Variants in NFKBIL1 observed in about 807,000 individuals in gnomAD.
NFKBIL1 encodes the protein NFKB inhibitor like 1.
A neutral mutation model predicts 45.4 loss-of-function variants in NFKBIL1; 30 were observed. The observed-to-expected ratio is 0.66, with a 90% CI of 0.49 to 0.90. The LOEUF (loss-of-function observed/expected upper bound fraction) is 0.90, where lower values mean the gene tolerates loss of function less well. NFKBIL1 is among the 40% of genes least tolerant of loss of function. The probability of loss-of-function intolerance (pLI) is 0.00; values close to 1 mark genes in which losing one functional copy is unlikely to be tolerated. For missense variants in NFKBIL1, 434 were observed against 513.4 expected (o/e 0.85, Z 1.49); for synonymous variants, 179 against 197.3 (o/e 0.91, Z 0.78).
Position 31,547,702 on chromosome 6 carries a change from A to G in NFKBIL1, c.8A>G (p.Asn3Ser), listed in dbSNP as rs1769149744. Reference protein sequence around the residue: MSNPSPQVPEEEA... With the variant: MSSPSPQVPEEEA... ...GGGGCGGGGGCAGGTCTGATGAGTA[A>G]CCCCTCCCCCCAGGTTCCAGAGGAA... The change falls in exon 1 of 4, where the codon AAC (asparagine) becomes AGC (serine). Residue 3 changes from asparagine to serine, a missense_variant. Coordinates refer to ENST00000376148, the MANE Select transcript of NFKBIL1 (RefSeq NM_005007.4). 2 of 1,610,494 alleles carry G rather than the reference A, an allele frequency of 1.2e-6. No homozygotes were observed. The highest frequency in any genetic ancestry group is 1.7e-6 in the Non-Finnish European group (2 of 1,178,798).
At position 31,557,189 on chromosome 6, in the gene NFKBIL1, G is replaced by C. The variant is rs539336387; in HGVS notation, c.335-439G>C. Among the ~76,000 whole-genome samples the C allele has an allele frequency of 1.3e-5, 2 of 150,016 alleles. No homozygotes were observed. The highest frequency in any genetic ancestry group is 4.9e-5 in the African/African-American group (2 of 40,650). ...GTGGCACGATCTCGGCTTACTACAA[G>C]CTCCACCTCCCGGGTTCACATCATT... On this transcript the variant is annotated intron_variant, in intron 2 of 3. Coordinates refer to ENST00000376148, the MANE Select transcript of NFKBIL1 (RefSeq NM_005007.4). The surrounding 1 kb of genome is among the most constrained non-coding windows in gnomAD (Gnocchi z 5.4).
rs746145135 is a variant in NFKBIL1, at chr6:31,548,432, C to T, written c.327C>T (p.Gly109=). 1.3e-6 allele frequency: 2 copies of T among 1,505,022 alleles called. No homozygotes were observed. The highest frequency in any genetic ancestry group is 1.8e-6 in the Non-Finnish European group (2 of 1,133,216). The allele number at this position is 1,505,022 out of a possible 1,614,324, so 93.2% of individuals were successfully genotyped here. ...DTALHAAARQ[G]PDAYTDFFLP... is the part of the protein sequence containing the mutation. The stretch of plus-strand genomic sequence containing the variant: ...CACTGCATGCTGCTGCCCGCCAGGG[C>T]CCAGATGGTGAGTCTGCTCAGTGGG... Residue 109 remains glycine (G), a synonymous_variant, in exon 2 of 4, where the codon GGC becomes GGT. Coordinates refer to ENST00000376148, the MANE Select transcript of NFKBIL1 (RefSeq NM_005007.4).
In NFKBIL1 at chr6:31,557,695, T is replaced by C; in HGVS notation, c.402T>C (p.Asp134=). 2 of 1,604,532 alleles carry C rather than the reference T, an allele frequency of 1.2e-6. No homozygotes were observed. The highest frequency in any genetic ancestry group is 1.7e-6 in the Non-Finnish European group (2 of 1,174,240). The change falls in exon 3 of 4, where the codon GAT becomes GAC. Residue 134 remains aspartate (D), a synonymous_variant. Transcript: ENST00000376148. This position sits in a 1 kb window ranked among gnomAD's most constrained non-coding sequence, Gnocchi z 5.4. ...CCGCCATGGGAATAAAGAATAAGGA[T>C]GGGGAGACCCCTGGCCAAATTTTGG... is the stretch of plus-strand genomic sequence containing the variant. The part of the protein sequence containing the change: ...CPSAMGIKNK[D]GETPGQILGW...
At chr6:31,554,849 G>A (rs1769628294) in intron 2 of NFKBIL1, among the ~76,000 whole-genome samples, 2 of 152,204 alleles carry the variant, frequency 1.3e-5, no homozygotes, top group African/African-American at 4.8e-5. Context: ...TTGGGGTAAG[G>A]AGATTTGTTT....
At chr6:31,547,495 A>C (rs1233969258), upstream of NFKBIL1, 1 of 434,418 alleles carries the variant, frequency 2.3e-6, no homozygotes, top group African/African-American at 2.0e-5. Flanking sequence ...AGATCTGGCC[A>C]AGAACTACCC....
intron 2 of NFKBIL1, among the ~76,000 whole-genome samples, chr6:31,550,826 A>T (rs1314406472): frequency 6.6e-6 from 1 of 152,096 alleles, no homozygotes; most frequent in Non-Finnish European, 1.5e-5. Flanking sequence ...AGTAGCTGGG[A>T]TTACAGGCAT....
In NFKBIL1 at chr6:31,558,714, T is replaced by C. The variant is rs1769931054; in HGVS notation, c.*103T>C. 22 of 1,055,092 alleles carry C rather than the reference T, an allele frequency of 2.1e-5. No homozygotes were observed. The highest frequency in any genetic ancestry group is 3.0e-5 in the Non-Finnish European group (22 of 745,022). The allele number at this position is 1,055,092 out of a possible 1,614,324, so 65.4% of individuals were successfully genotyped here. The stretch of plus-strand genomic sequence containing the variant: ...ACCACAAGGAAGAGCCAGGTGCTGC[T>C]CAGCAGAGGATATGGGTGGGAGCGA... On this transcript the variant is annotated 3_prime_UTR_variant, in exon 4 of 4. Transcript: ENST00000376148. This position sits in a 1 kb window ranked among gnomAD's most constrained non-coding sequence, Gnocchi z 7.2.
chr6:31,547,506 G>C (rs555489747), upstream of NFKBIL1: 381 of 445,828 alleles, frequency 8.5e-4, 1 homozygote, highest in Middle Eastern at 4.1e-3. Flanking sequence ...AGAACTACCC[G>C]GTCGGGGCGG....
At chr6:31,550,410 CAAAAAACCCCCTATTTAAA>C (rs1730731334) in intron 2 of NFKBIL1, among the ~76,000 whole-genome samples, 1 of 146,128 alleles carries the variant, frequency 6.8e-6, no homozygotes, top group African/African-American at 2.5e-5. Context: ...CCCAAATGGT[CAAAAAACCCCCTATTTAAA>C]AATTTCCTTT....
At chr6:31,552,519 C>T (rs1769485018) in intron 2 of NFKBIL1, among the ~76,000 whole-genome samples, 1 of 150,356 alleles carries the variant, frequency 6.7e-6, no homozygotes, top group Non-Finnish European at 1.5e-5. Flanking sequence ...GATCTCTTGA[C>T]CTTGTGATCT....
chr6:31,550,693 T>G (rs1372332477), intron 2 of NFKBIL1, among the ~76,000 whole-genome samples: 1 of 152,152 alleles, frequency 6.6e-6, no homozygotes, highest in African/African-American at 2.4e-5. Context: ...TTTTTTGTTT[T>G]GTTTTGTTTT....
At chr6:31,555,244 T>C (rs71556913) in intron 2 of NFKBIL1, among the ~76,000 whole-genome samples, 6,354 of 148,084 alleles carry the variant, frequency 0.043, 241 homozygotes, top group South Asian at 0.16. Flanking sequence ...TCTTTTTTTT[T>C]TTTTTTTTTT....
In NFKBIL1 at chr6:31,558,003, ATCCC is replaced by A; in HGVS notation, c.557-18_557-15del. On this transcript the variant is annotated splice_polypyrimidine_tract_variant and intron_variant, in intron 3 of 3. Transcript: ENST00000376148. The surrounding 1 kb of genome is among the most constrained non-coding windows in gnomAD (Gnocchi z 7.2). ...TCACAGCCTCTCTCCAACTACCCCC[ATCCC>A]ACCCTCCCAAACAGGTGATGCCTCC... is the stretch of plus-strand genomic sequence containing the variant. 1.1e-4 allele frequency: 58 copies of A among 551,360 alleles called. No individual in the cohort carries two copies. The highest frequency in any genetic ancestry group is 3.8e-4 in the Middle Eastern group (1 of 2,638). The allele number at this position is 551,360 out of a possible 1,614,324, so 34.2% of individuals were successfully genotyped here.
At chr6:31,548,562 A>C in intron 2 of NFKBIL1, 123 bp downstream of exon 2, 3 of 1,105,086 alleles carry the variant, frequency 2.7e-6, no homozygotes, top group Non-Finnish European at 3.6e-6. Flanking sequence ...GAGTTAACCA[A>C]GTTGGCATGT....
At position 31,548,203 on chromosome 6, in the gene NFKBIL1, G is replaced by A. The variant is rs200916722; in HGVS notation, c.98G>A (p.Arg33Gln). The change falls in exon 2 of 4, where the codon CGA (arginine) becomes CAA (glutamine). Residue 33 changes from arginine (R) to glutamine (Q), a missense_variant. Coordinates refer to ENST00000376148, the MANE Select transcript of NFKBIL1 (RefSeq NM_005007.4). The part of the protein sequence containing the change: ...SMASTSRRQR[R>Q]ERRFRRYLSA... ...GCCTCCACTTCCCGCCGCCAACGCC[G>A]AGAACGTCGCTTTCGTCGTTACTTG... The A allele has an allele frequency of 6.2e-7, 1 of 1,613,130 alleles. No homozygotes were observed. The highest frequency in any genetic ancestry group is 1.7e-5 in the Admixed American group (1 of 60,026).
intron 2 of NFKBIL1, among the ~76,000 whole-genome samples, chr6:31,555,784 T>TTATATATAATATAAAATATAATTA (rs1769703560): frequency 1.3e-5 from 2 of 148,488 alleles, no homozygotes; most frequent in South Asian, 2.1e-4. Context: ...CTGGCTAATT[T>TTATATATAATATAAAATATAATTA]TATATATAAT....
intron 2 of NFKBIL1, among the ~76,000 whole-genome samples, chr6:31,555,958 C>T (rs1322664730): frequency 6.6e-6 from 1 of 151,678 alleles, no homozygotes; most frequent in Non-Finnish European, 1.5e-5. Context: ...CGTGCCTGGC[C>T]ACATCTGATC....
Position 31,557,844 on chromosome 6 carries a change from T to A in NFKBIL1, c.551T>A (p.Phe184Tyr). Residue 184 changes from phenylalanine to tyrosine, a missense_variant, in exon 3 of 4, where the codon TTT becomes TAT. Coordinates refer to ENST00000376148, the MANE Select transcript of NFKBIL1 (RefSeq NM_005007.4). The surrounding 1 kb of genome is among the most constrained non-coding windows in gnomAD (Gnocchi z 5.4). ...EDEWQEVMGR[F>Y]EGDASHETQE... ...GAGTGGCAGGAAGTCATGGGGAGGTTTGAAGGTGAGAAGTCCACTGCTATC... is the reference window on the plus strand; with the variant it reads ...GAGTGGCAGGAAGTCATGGGGAGGTATGAAGGTGAGAAGTCCACTGCTATC... The A allele has an allele frequency of 6.3e-7, 1 of 1,590,020 alleles. No homozygotes were observed.
intron 2 of NFKBIL1, among the ~76,000 whole-genome samples, chr6:31,551,709 T>C (rs1167887378): frequency 6.6e-6 from 1 of 151,552 alleles, no homozygotes; most frequent in African/African-American, 2.4e-5. Context: ...ATTCTCCTGC[T>C]TCAGCCTCCC....
Sources: allele counts gnomAD v4.1 joint callset (sites outside exome capture counted in the v4.1 genomes callset), GRCh38; gene constraint gnomAD v4.1.1; non-coding constraint Gnocchi (gnomAD v3.1); transcripts MANE v1.5; gene names NCBI Gene and HGNC (gene_info 2026-07-23, HGNC 2026-07-21).